KCNH8: variants seen among roughly 807,000 people sequenced by gnomAD.
KCNH8 encodes the protein potassium voltage-gated channel subfamily H member 8, also known as voltage-gated delayed rectifier potassium channel KCNH8.
A neutral mutation model predicts 103.6 loss-of-function variants in KCNH8; 70 were observed. The observed-to-expected ratio is 0.68, with a 90% confidence interval of 0.56 to 0.82. KCNH8 has a LOEUF of 0.82. Ranked by LOEUF, KCNH8 falls within the 40% of genes least tolerant of loss-of-function variation. The pLI is 0.00. For synonymous variants in KCNH8, 498 were observed against 489.4 expected, an observed-to-expected ratio of 1.02 and a Z score of -0.23; for missense variants, 1,217 against 1,329.9, an observed-to-expected ratio of 0.92 and a Z score of 1.32.
intron 1 of KCNH8, among the ~76,000 whole-genome samples, chr3:19,159,868 C>G (rs1161902531): frequency 6.6e-6 from 1 of 151,828 alleles, no homozygotes; most frequent in South Asian, 2.1e-4. Context: ...GTTACCAGCC[C>G]ACAAGTTAGT....
intron 5 of KCNH8, among the ~76,000 whole-genome samples, chr3:19,376,113 G>A (rs1052928405): frequency 4.6e-5 from 7 of 152,214 alleles, no homozygotes; most frequent in Non-Finnish European, 7.4e-5. Flanking sequence ...TCCTTGAGCT[G>A]TGGTGGGCTC....
chr3:19,467,110 G>A lies in KCNH8; in HGVS notation c.2040+10128G>A, dbSNP rs576060043. Among the ~76,000 whole-genome samples, 6 of 152,228 alleles carry A rather than the reference G, an allele frequency of 3.9e-5. No homozygotes were observed. In the South Asian group the frequency reaches 1.2e-3, roughly 32 times the overall value. On this transcript the variant is annotated intron_variant, in intron 11 of 15. Transcript: ENST00000328405. The stretch of plus-strand genomic sequence containing the variant: ...TCATATGACTCACTTTACTGAGATA[G>A]TAACTTTATTGTAGTGGTTTGGAAG...
chr3:19,407,776 C>T (rs2066715989), intron 7 of KCNH8, among the ~76,000 whole-genome samples: 2 of 152,110 alleles, frequency 1.3e-5, no homozygotes. Context: ...TGTCTCTGCC[C>T]CATGCCTAGG....
At chr3:19,389,687 G>A (rs1026148996) in intron 5 of KCNH8, among the ~76,000 whole-genome samples, 1 of 152,044 alleles carries the variant, frequency 6.6e-6, no homozygotes, top group Non-Finnish European at 1.5e-5. Flanking sequence ...GGAGTGCATG[G>A]TGCAATCATG....
chr3:19,154,666 T>C (rs1262296510), intron 1 of KCNH8, among the ~76,000 whole-genome samples: 1 of 152,250 alleles, frequency 6.6e-6, no homozygotes, highest in Non-Finnish European at 1.5e-5. Context: ...GAGTTAACTT[T>C]CTCTTAAGGA....
chr3:19,424,537 A>G (rs1401178669), intron 7 of KCNH8, among the ~76,000 whole-genome samples: 1 of 152,170 alleles, frequency 6.6e-6, no homozygotes, highest in Non-Finnish European at 1.5e-5. Context: ...AAACTCGTCT[A>G]GACATTGGCT....
At chr3:19,291,618 A>G (rs1161091073) in intron 3 of KCNH8, among the ~76,000 whole-genome samples, 2 of 152,190 alleles carry the variant, frequency 1.3e-5, no homozygotes, top group Non-Finnish European at 1.5e-5. Context: ...ACAGTTTGTT[A>G]TAATTTCTGT....
At position 19,323,412 on chromosome 3, in the gene KCNH8, G is replaced by A. The variant is rs1198771647; in HGVS notation, c.443-19175G>A. Among the ~76,000 whole-genome samples, 6 of 152,148 alleles carry A rather than the reference G, an allele frequency of 3.9e-5. No homozygotes were observed. The East Asian group carries it at 1.2e-3, about 29-fold the overall frequency. On this transcript the variant is annotated intron_variant, in intron 3 of 15. Coordinates refer to ENST00000328405, the MANE Select transcript of KCNH8 (RefSeq NM_144633.3). ...TGCAGTGAGCTGAGATCGCACCACT[G>A]CACTCCAGCCTGGGTGACAGAGCAA...
chr3:19,195,885 C>A (rs1297522459), intron 1 of KCNH8, among the ~76,000 whole-genome samples: 1 of 152,002 alleles, frequency 6.6e-6, no homozygotes, highest in Non-Finnish European at 1.5e-5. Flanking sequence ...GTTCCTTGGT[C>A]CTCCAGCTAA....
intron 8 of KCNH8, among the ~76,000 whole-genome samples, chr3:19,444,508 A>G (rs985171270): frequency 1.3e-5 from 2 of 152,004 alleles, no homozygotes; most frequent in African/African-American, 4.8e-5. Flanking sequence ...GATAAATTGA[A>G]CTGCAGAACT....
chr3:19,396,744 G>A (rs114320482), intron 7 of KCNH8, among the ~76,000 whole-genome samples: 2,961 of 152,024 alleles, frequency 0.019, 98 homozygotes, highest in African/African-American at 0.066. Context: ...TCTATCTTTC[G>A]ATATTGTTTT....
chr3:19,282,982 C>T (rs1485410977), intron 3 of KCNH8, among the ~76,000 whole-genome samples: 1 of 152,144 alleles, frequency 6.6e-6, no homozygotes, highest in East Asian at 1.9e-4. Context: ...CCCTCAGTCA[C>T]AAAGCAGAGC....
chr3:19,511,804 A>T (rs1426211014), intron 12 of KCNH8, among the ~76,000 whole-genome samples: 1 of 152,156 alleles, frequency 6.6e-6, no homozygotes, highest in Non-Finnish European at 1.5e-5. Flanking sequence ...AGAACTTCAT[A>T]AGTAAACTAT....
At chr3:19,175,422 C>T (rs968214015) in intron 1 of KCNH8, among the ~76,000 whole-genome samples, 4 of 151,958 alleles carry the variant, frequency 2.6e-5, no homozygotes, top group Admixed American at 6.6e-5. Flanking sequence ...AGGGTTTCAC[C>T]GTGGTCTCGA....
chr3:19,205,117 C>T (rs971948408), intron 1 of KCNH8, among the ~76,000 whole-genome samples: 1 of 151,946 alleles, frequency 6.6e-6, no homozygotes, highest in Admixed American at 6.6e-5. Flanking sequence ...GTTTGTTCAA[C>T]TACCCATCCA....
chr3:19,462,099 CAT>C (rs2067642886), intron 11 of KCNH8, among the ~76,000 whole-genome samples: 2 of 152,184 alleles, frequency 1.3e-5, no homozygotes, highest in South Asian at 4.1e-4. Flanking sequence ...CCACAATAAA[CAT>C]ATGTGTGCAT....
intron 5 of KCNH8, among the ~76,000 whole-genome samples, chr3:19,349,327 C>T (rs1383096093): frequency 6.6e-6 from 1 of 151,838 alleles, no homozygotes; most frequent in African/African-American, 2.4e-5. Flanking sequence ...GGTTTTGTAT[C>T]CTTTTACTTT....
chr3:19,259,955 G>A (rs2064407460), intron 2 of KCNH8, among the ~76,000 whole-genome samples: 1 of 151,710 alleles, frequency 6.6e-6, no homozygotes, highest in African/African-American at 2.4e-5. Flanking sequence ...GAAAACTGTT[G>A]TGTGGAAATA....
At chr3:19,218,316 C>T (rs911082682) in intron 1 of KCNH8, among the ~76,000 whole-genome samples, 2 of 152,132 alleles carry the variant, frequency 1.3e-5, no homozygotes, top group African/African-American at 4.8e-5. Flanking sequence ...GTACTTGTCC[C>T]TGATCCACCA....
Sources: allele counts gnomAD v4.1 joint callset (sites outside exome capture counted in the v4.1 genomes callset), GRCh38; gene constraint gnomAD v4.1.1; transcripts MANE v1.5; gene names NCBI Gene and HGNC (gene_info 2026-07-23, HGNC 2026-07-21).